Variants in CDH18 observed in about 807,000 individuals in gnomAD.
The protein encoded by CDH18 is cadherin 18, also known as cadherin-18.
Under a neutral mutation model 67.9 loss-of-function variants are expected in CDH18, and 31 were observed. The ratio of observed to expected loss-of-function variants is 0.46; its 90% CI spans 0.34 to 0.62. The LOEUF (loss-of-function observed/expected upper bound fraction) is 0.62, where lower values mean the gene tolerates loss of function less well. Among genes scored for constraint, CDH18 ranks in the 20% least tolerant of loss-of-function variants. The probability of loss-of-function intolerance (pLI) is 0.01; values close to 1 mark genes in which losing one functional copy is unlikely to be tolerated. For missense variants in CDH18, 890 were observed against 975.5 expected (o/e 0.91, Z 1.17); for synonymous variants, 362 against 347.2 (o/e 1.04, Z -0.48).
At chr5:20,378,127 G>A (rs1743611856) in intron 1 of CDH18, among the ~76,000 whole-genome samples, 1 of 152,162 alleles carries the variant, frequency 6.6e-6, no homozygotes, top group African/African-American at 2.4e-5. Context: ...TACAGAAAGA[G>A]AATGCTCTTC....
At chr5:19,844,184 T>C (rs1782665243) in intron 2 of CDH18, among the ~76,000 whole-genome samples, 1 of 151,976 alleles carries the variant, frequency 6.6e-6, no homozygotes, top group Non-Finnish European at 1.5e-5. Flanking sequence ...AAAGACAAGA[T>C]TTGCAAGGGG....
intron 6 of CDH18, among the ~76,000 whole-genome samples, chr5:19,608,512 CA>C (rs887353863): frequency 5.6e-4 from 84 of 151,306 alleles, no homozygotes; most frequent in South Asian, 2.5e-3. Context: ...GCTCCCCCCC[CA>C]AAAAAAATCA....
intron 2 of CDH18, among the ~76,000 whole-genome samples, chr5:19,858,527 T>C (rs1784535924): frequency 6.6e-6 from 1 of 152,330 alleles, no homozygotes; most frequent in East Asian, 1.9e-4. Context: ...AATTATGTTT[T>C]AGTTTTTTTC....
chr5:20,030,617 G>T (rs1225069893), intron 2 of CDH18, among the ~76,000 whole-genome samples: 1 of 152,112 alleles, frequency 6.6e-6, no homozygotes, highest in South Asian at 2.1e-4. Context: ...GCTGAGTTGT[G>T]TTGTACAAAT....
chr5:19,558,518 T>C (rs1478446604), intron 8 of CDH18, among the ~76,000 whole-genome samples: 1 of 151,902 alleles, frequency 6.6e-6, no homozygotes, highest in African/African-American at 2.4e-5. Flanking sequence ...ATGAACAACT[T>C]TATGCACATA....
intron 5 of CDH18, among the ~76,000 whole-genome samples, chr5:19,706,539 T>C (rs766787881): frequency 5.9e-5 from 9 of 152,172 alleles, no homozygotes; most frequent in Non-Finnish European, 1.0e-4. Flanking sequence ...TGTTCCCTGA[T>C]TTGGGAGACT....
intron 8 of CDH18, among the ~76,000 whole-genome samples, chr5:19,552,097 T>G (rs958646416): frequency 6.6e-6 from 1 of 152,160 alleles, no homozygotes; most frequent in South Asian, 2.1e-4. Flanking sequence ...AAATCGTGTC[T>G]TACCTATCCA....
rs113415590 is a variant in CDH18, at chr5:19,624,700, A to G, written c.644-12099T>C. On this transcript the variant is annotated intron_variant, in intron 5 of 12. Coordinates refer to ENST00000382275, the MANE Select transcript of CDH18 (RefSeq NM_004934.5). ...CAGCTGGAAGTGTGCTGCTGAATGC[A>G]CTCCCCATGCTGGAGAGCAAGTTTT... Among the ~76,000 whole-genome samples the G allele has an allele frequency of 5.4e-3, 819 of 152,112 alleles. 13 individuals carry two copies. Among genetic ancestry groups the G allele is most frequent in the African/African-American group, 0.019 (783 of 41,480 alleles).
chr5:20,318,106 A>G (rs1430753454), intron 1 of CDH18, among the ~76,000 whole-genome samples: 1 of 152,170 alleles, frequency 6.6e-6, no homozygotes, highest in Non-Finnish European at 1.5e-5. Flanking sequence ...GAATTGTTGC[A>G]TTTTGTAACA....
chr5:19,674,682 C>T (rs961837423), intron 5 of CDH18, among the ~76,000 whole-genome samples: 1 of 152,058 alleles, frequency 6.6e-6, no homozygotes, highest in Non-Finnish European at 1.5e-5. Flanking sequence ...TCAGTATAGA[C>T]ATATGCATAT....
At chr5:19,654,026 A>G (rs909487344) in intron 5 of CDH18, among the ~76,000 whole-genome samples, 2 of 152,150 alleles carry the variant, frequency 1.3e-5, no homozygotes, top group Non-Finnish European at 2.9e-5. Flanking sequence ...TATTTTGCCC[A>G]TAATGTGTAT....
intron 2 of CDH18, among the ~76,000 whole-genome samples, chr5:19,935,002 G>A (rs1014514883): frequency 6.6e-6 from 1 of 151,124 alleles, no homozygotes; most frequent in Admixed American, 6.6e-5. Flanking sequence ...TGTTTTCTTG[G>A]CCTATGATTA....
chr5:20,436,027 A>C (rs1749140739), intron 1 of CDH18, among the ~76,000 whole-genome samples: 1 of 152,024 alleles, frequency 6.6e-6, no homozygotes. Context: ...ATGATCTAGA[A>C]CTGAGCACAC....
chr5:19,593,318 A>G (rs1015575831), intron 6 of CDH18, among the ~76,000 whole-genome samples: 5 of 152,062 alleles, frequency 3.3e-5, no homozygotes, highest in Non-Finnish European at 5.9e-5. Context: ...CACATCCTCA[A>G]CAATACTTTT....
At chr5:19,487,351 A>G (rs1055496825) in intron 11 of CDH18, among the ~76,000 whole-genome samples, 7 of 152,208 alleles carry the variant, frequency 4.6e-5, no homozygotes, top group Non-Finnish European at 5.9e-5. Context: ...GCTTCTCTTT[A>G]TTGAAAGGAT....
At chr5:20,208,665 G>GA (rs35745449) in intron 2 of CDH18, among the ~76,000 whole-genome samples, 105,707 of 151,886 alleles carry the variant, frequency 0.7, 37,410 homozygotes, top group African/African-American at 0.84. Context: ...TCTGAGCAAA[G>GA]TTTTTTTTGT....
intron 2 of CDH18, among the ~76,000 whole-genome samples, chr5:20,145,734 T>C (rs1750590194): frequency 6.6e-6 from 1 of 152,212 alleles, no homozygotes; most frequent in Non-Finnish European, 1.5e-5. Context: ...TCACAATTTT[T>C]TATGTTGACC....
chr5:20,027,466 T>G (rs1445814319), intron 2 of CDH18, among the ~76,000 whole-genome samples: 1 of 152,218 alleles, frequency 6.6e-6, no homozygotes, highest in Non-Finnish European at 1.5e-5. Flanking sequence ...TGAGAAGTGA[T>G]TCAGCTTTTA....
intron 1 of CDH18, among the ~76,000 whole-genome samples, chr5:20,266,423 A>C (rs1186263347): frequency 6.6e-6 from 1 of 152,096 alleles, no homozygotes; most frequent in Non-Finnish European, 1.5e-5. Flanking sequence ...TGTTTGTTTG[A>C]GACAGGGTCT....
Sources: gnomAD v4.1 joint callset for allele counts (sites outside exome capture counted in the v4.1 genomes callset) on GRCh38, gnomAD v4.1.1 for gene constraint, MANE v1.5 for transcripts, NCBI Gene and HGNC (gene_info 2026-07-23, HGNC 2026-07-21) for gene names.